CDH16: variants seen among roughly 807,000 people sequenced by gnomAD.
The protein encoded by CDH16 is cadherin-16.
CDH16 carries 79 observed loss-of-function variants against 87.6 expected under a neutral mutation model. The observed-to-expected ratio is 0.90, with a 90% CI of 0.75 to 1.09. CDH16 has a LOEUF of 1.09. Ranked by LOEUF, CDH16 falls within the 50% of genes least tolerant of loss-of-function variation. The pLI, the probability that CDH16 is intolerant of heterozygous loss-of-function variation, is 0.00. For missense variants in CDH16, 1,124 were observed against 1,071.7 expected (o/e 1.05, Z -0.68); for synonymous variants, 457 against 439.5 (o/e 1.04, Z -0.50).
chr16:66,909,301 T>C lies in CDH16; in HGVS notation c.2358A>G (p.Ala786=), dbSNP rs1367882461. 2.5e-6 allele frequency: 4 copies of C among 1,613,038 alleles called. No homozygotes were observed. Among genetic ancestry groups the C allele is most frequent in the Non-Finnish European group, 3.4e-6 (4 of 1,179,402 alleles). The change falls in exon 17 of 18, where the codon GCA becomes GCG. Residue 786 remains alanine (A), a synonymous_variant. Coordinates refer to ENST00000299752, the MANE Select transcript of CDH16 (RefSeq NM_004062.4). This position sits in a 1 kb window ranked among gnomAD's most constrained non-coding sequence, Gnocchi z 4.1. ...RMKGMPTKLS[A]VGILVGTLVA... ...CCAGGGTGCCTACAAGGATGCCCAC[T>C]GCCGACAGCTTCGTGGGCATGCCCT...
At position 66,910,382 on chromosome 16, in the gene CDH16, T is replaced by C. The variant is rs1962357485; in HGVS notation, c.2045A>G (p.His682Arg). The change falls in exon 15 of 18, where the codon CAT becomes CGT. Residue 682 changes from histidine to arginine, a missense_variant. Coordinates refer to ENST00000299752, the MANE Select transcript of CDH16 (RefSeq NM_004062.4). ...GCTGGGTCCACTCACGATCAAGCCA[T>C]GGTCTTGGCGGGGTGTGCAGAGGTA... is the stretch of plus-strand genomic sequence containing the variant. ...SQYLCTPRQD[H>R]GLIVSGPSKD... The C allele has an allele frequency of 6.2e-7, 1 of 1,613,536 alleles. No homozygotes were observed. Among genetic ancestry groups the C allele is most frequent in the Admixed American group, 1.7e-5 (1 of 59,930 alleles).
chr16:66,909,440 A>G lies in CDH16; in HGVS notation c.2276-57T>C. ...GGAGGGGAGGGCTCCCCAGCTGCTC[A>G]GAGCCCCCAGCCCAGCCACCTGGCT... On this transcript the variant is annotated intron_variant, in intron 16 of 17. Transcript: ENST00000299752. The surrounding 1 kb of genome is among the most constrained non-coding windows in gnomAD (Gnocchi z 4.1). 8.2e-7 allele frequency: 1 copy of G among 1,217,340 alleles called. No homozygotes were observed. Among genetic ancestry groups the G allele is most frequent in the Non-Finnish European group, 1.2e-6 (1 of 842,374 alleles). The allele number at this position is 1,217,340 out of a possible 1,614,324, so 75.4% of individuals were successfully genotyped here. A position where few individuals can be genotyped will look rare whatever the true frequency, so the allele number is the denominator to read the frequency against.
rs1447517156 is a variant in CDH16, at chr16:66,916,832, C to T, written c.130-403G>A. Among the ~76,000 whole-genome samples the T allele has an allele frequency of 6.6e-6, 1 of 152,134 alleles. No individual in the cohort carries two copies. Among genetic ancestry groups the T allele is most frequent in the African/African-American group, 2.4e-5 (1 of 41,414 alleles). On this transcript the variant is annotated intron_variant, in intron 3 of 17. Transcript: ENST00000299752. This position sits in a 1 kb window ranked among gnomAD's most constrained non-coding sequence, Gnocchi z 4.1. ...ATATGATGTGACAAGTACAGAATGC[C>T]GCATCTGACCTCATGTGACAGGTCA...
rs748160777 is a variant in CDH16 at position 66,908,437 on chromosome 16, G to T, written c.2445C>A (p.Asp815Glu). ...GCACGCTGTCTGCTGGTTGATCCGGGTCCTTCTTCCTTGACATGGTCCAGT... is the reference window on the plus strand; with the variant it reads ...GCACGCTGTCTGCTGGTTGATCCGGTTCCTTCTTCCTTGACATGGTCCAGT... ...FTHWTMSRKK[D>E]PDQPADSVPL... is the part of the protein sequence containing the mutation. The change falls in exon 18 of 18, where the codon GAC becomes GAA. Residue 815 changes from aspartate to glutamate, a missense_variant. By Grantham distance (45) the Asp-to-Glu change is conservative. Transcript: ENST00000299752. The T allele has an allele frequency of 6.2e-7, 1 of 1,614,128 alleles. No individual in the cohort carries two copies. Among genetic ancestry groups the T allele is most frequent in the Admixed American group, 1.7e-5 (1 of 60,026 alleles).
Position 66,912,042 on chromosome 16 carries a change from G to A in CDH16, c.1647C>T (p.Ala549=), listed in dbSNP as rs1290545592. The A allele has an allele frequency of 6.2e-7, 1 of 1,614,132 alleles. No homozygotes were observed. The highest frequency in any genetic ancestry group is 1.1e-5 in the South Asian group (1 of 91,086). Residue 549 remains alanine (A), a synonymous_variant, in exon 13 of 18, where the codon GCC becomes GCT. Coordinates refer to ENST00000299752, the MANE Select transcript of CDH16 (RefSeq NM_004062.4). ...VGPGPGPGAT[A]TVTVLVERVM... ...CTCTCTCCACTAGCACAGTCACCGT[G>A]GCGGTGGCTCCAGGGCCTGGGCCTG...
rs763289445 is a variant in CDH16, at chr16:66,909,378, C to T, written c.2281G>A (p.Val761Met). The T allele has an allele frequency of 8.1e-6, 13 of 1,596,686 alleles. No individual in the cohort carries two copies. The highest frequency in any genetic ancestry group is 1.1e-5 in the Non-Finnish European group (13 of 1,167,658). ...QMWQLLVRVIVCRCNVEGQCM... is the reference protein window; with the variant it reads ...QMWQLLVRVIMCRCNVEGQCM... ...TGCCCCTCCACGTTGCAGCGACACA[C>T]GATCACTGAGGGGAGAGGGGAGGAA... Residue 761 changes from valine (V) to methionine (M), a missense_variant, in exon 17 of 18, where the codon GTG (valine) becomes ATG (methionine). Val to Met is a conservative substitution (Grantham distance 21, BLOSUM62 1). Coordinates refer to ENST00000299752, the MANE Select transcript of CDH16 (RefSeq NM_004062.4). This position sits in a 1 kb window ranked among gnomAD's most constrained non-coding sequence, Gnocchi z 4.1.
chr16:66,911,637 G>C (rs577177609), intron 13 of CDH16, among the ~76,000 whole-genome samples: 2 of 152,168 alleles, frequency 1.3e-5, no homozygotes, highest in South Asian at 4.1e-4. Context: ...GCAATCTGTT[G>C]GGGGGCATTG....
At chr16:66,911,443 C>T in intron 13 of CDH16, 128 bp from the exon 14 acceptor site, 1 of 920,820 alleles carries the variant, frequency 1.1e-6, no homozygotes, top group Non-Finnish European at 1.6e-6. Flanking sequence ...ACAGCAAAGC[C>T]TGGGGGGCCC....
Position 66,916,199 on chromosome 16 carries a change from G to T in CDH16, c.290C>A (p.Thr97Asn). Residue 97 changes from threonine (T) to asparagine (N), a missense_variant, in exon 5 of 18, where the codon ACC becomes AAC. Transcript: ENST00000299752. This position sits in a 1 kb window ranked among gnomAD's most constrained non-coding sequence, Gnocchi z 4.1. ...EEQAEYQLQV[T>N]LEMQDGHVLW... ...GACATGTCCATCCTGCATCTCCAGGGTGACCTGGCAGGGAAGGGGAGTCAG... is the reference window on the plus strand; with the variant it reads ...GACATGTCCATCCTGCATCTCCAGGTTGACCTGGCAGGGAAGGGGAGTCAG... 1 of 1,614,248 alleles carries T rather than the reference G, an allele frequency of 6.2e-7. No homozygotes were observed. The highest frequency in any genetic ancestry group is 8.5e-7 in the Non-Finnish European group (1 of 1,180,048).
Position 66,913,203 on chromosome 16 carries a change from C to G in CDH16, c.982G>C (p.Asp328His). The change falls in exon 9 of 18, where the codon GAT (aspartate) becomes CAT (histidine). Residue 328 changes from aspartate to histidine, a missense_variant. Transcript: ENST00000299752. ...CAGATAGGCACGTTGTCATTCTCAT[C>G]CATCACCAGCACGTGCAGCTCCAGA... ...APLELHVLVM[D>H]ENDNVPICPP... is the part of the protein sequence containing the mutation. 2 of 1,600,890 alleles carry G rather than the reference C, an allele frequency of 1.2e-6. No individual in the cohort carries two copies. Among genetic ancestry groups the G allele is most frequent in the Non-Finnish European group, 1.7e-6 (2 of 1,173,914 alleles).
Position 66,908,456 on chromosome 16 carries a change from G to A in CDH16, c.2426C>T (p.Thr809Ile). 1 of 1,614,096 alleles carries A rather than the reference G, an allele frequency of 6.2e-7. No individual in the cohort carries two copies. Among genetic ancestry groups the A allele is most frequent in the South Asian group, 1.1e-5 (1 of 91,086 alleles). ...ATCCGGGTCCTTCTTCCTTGACATG[G>A]TCCAGTGGGTGAAAATGAGGATGAG... ...IFLILIFTHWTMSRKKDPDQP... is the reference protein window; with the variant it reads ...IFLILIFTHWIMSRKKDPDQP... Residue 809 changes from threonine to isoleucine, a missense_variant, in exon 18 of 18, where the codon ACC becomes ATC. Physicochemically the swap from Thr to Ile is moderately conservative, Grantham distance 89. Transcript: ENST00000299752.
chr16:66,908,589 T>C, intron 17 of CDH16, 100 bp from the exon 18 acceptor site: 1 of 927,934 alleles, frequency 1.1e-6, no homozygotes. Context: ...AATGAAGAGA[T>C]GAGTTTCCTG....
At chr16:66,908,733 G>A (rs1378727054) in intron 17 of CDH16, among the ~76,000 whole-genome samples, 1 of 152,110 alleles carries the variant, frequency 6.6e-6, no homozygotes, top group Non-Finnish European at 1.5e-5. Context: ...CTTCTCTTGG[G>A]GACATCGGGG....
At chr16:66,911,824 C>T (rs951092199) in intron 13 of CDH16, 75 bp downstream of exon 13, 1 of 1,483,286 alleles carries the variant, frequency 6.7e-7, no homozygotes, top group Non-Finnish European at 9.0e-7. Context: ...ATGTGAGTCC[C>T]CTCTGAGGCC....
At position 66,911,244 on chromosome 16, in the gene CDH16, T is replaced by C; in HGVS notation, c.1862A>G (p.Gln621Arg). Residue 621 changes from glutamine (Q) to arginine (R), a missense_variant, in exon 14 of 18, where the codon CAG becomes CGG. Coordinates refer to ENST00000299752, the MANE Select transcript of CDH16 (RefSeq NM_004062.4). ...CCCAGGCTGGGCGCCCTGCAGGGAC[T>C]GGGCGGTGTGCACCTCCCCGGAGAA... The part of the protein sequence containing the change: ...EKFSGEVHTA[Q>R]SLQGAQPGDT... The C allele has an allele frequency of 6.2e-7, 1 of 1,613,402 alleles. No homozygotes were observed. The highest frequency in any genetic ancestry group is 8.5e-7 in the Non-Finnish European group (1 of 1,179,748).
chr16:66,911,932 A>G lies in CDH16; in HGVS notation c.1757T>C (p.Ile586Thr), dbSNP rs1250199016. The change falls in exon 13 of 18, where the codon ATC becomes ACC. Residue 586 changes from isoleucine to threonine, a missense_variant. Physicochemically the swap from Ile to Thr is moderately conservative, Grantham distance 89. Coordinates refer to ENST00000299752, the MANE Select transcript of CDH16 (RefSeq NM_004062.4). ...SAPAGSFLLTIQPSDPISRTL... is the reference protein window; with the variant it reads ...SAPAGSFLLTTQPSDPISRTL... ...TCGGCTGATGGGGTCGGAGGGCTGG[A>G]TGGTCAGCAGGAAAGAGCCGGCTGG... 1.9e-6 allele frequency: 3 copies of G among 1,611,042 alleles called. No homozygotes were observed. Among genetic ancestry groups the G allele is most frequent in the Non-Finnish European group, 1.7e-6 (2 of 1,177,738 alleles).
In CDH16 at chr16:66,916,459, C is replaced by T. The variant is rs775733803; in HGVS notation, c.130-30G>A. 4.4e-5 allele frequency: 68 copies of T among 1,552,956 alleles called. No individual in the cohort carries two copies. Among genetic ancestry groups the T allele is most frequent in the Middle Eastern group, 1.9e-4 (1 of 5,132 alleles). ...TGGAAATGAACAGAAGTGAAGGGAG[C>T]GGTGGCCAGGCCTGGGAGATGCCCC... On this transcript the variant is annotated intron_variant, in intron 3 of 17. Transcript: ENST00000299752. The surrounding 1 kb of genome is among the most constrained non-coding windows in gnomAD (Gnocchi z 4.1).
chr16:66,913,342 T>G, intron 8 of CDH16, 61 bp from the exon 9 acceptor site: 1 of 1,551,368 alleles, frequency 6.4e-7, no homozygotes. Context: ...CTTGCCTGGC[T>G]CTGAGTTTCC....
Position 66,912,809 on chromosome 16 carries a change from G to A in CDH16, c.1137C>T (p.Ser379=). The change falls in exon 10 of 18, where the codon AGC becomes AGT. Residue 379 remains serine, a synonymous_variant. Transcript: ENST00000299752. ...CCTCTACCCCATCCTCAGGCTCAGG[G>A]CTCAGGAGCTGATACACAACGTGGG... ...PNSHVVYQLL[S]PEPEDGVEGR... The A allele has an allele frequency of 6.2e-7, 1 of 1,613,656 alleles. No homozygotes were observed. Among genetic ancestry groups the A allele is most frequent in the Non-Finnish European group, 8.5e-7 (1 of 1,180,006 alleles).
Sources: gnomAD v4.1 joint callset for allele counts (sites outside exome capture counted in the v4.1 genomes callset) on GRCh38, gnomAD v4.1.1 for gene constraint, Gnocchi (gnomAD v3.1) non-coding constraint, MANE v1.5 for transcripts, NCBI Gene and HGNC (gene_info 2026-07-23, HGNC 2026-07-21) for gene names.